The following BNC2 variants were observed in gnomAD, a reference collection of about 807,000 sequenced individuals.
The protein encoded by BNC2 is basonuclin zinc finger protein 2.
In BNC2, 20 loss-of-function variants were observed where a neutral mutation model predicts 76.3. That is an observed-to-expected ratio of 0.26 (90% CI 0.18 to 0.38). The LOEUF (loss-of-function observed/expected upper bound fraction) is 0.38. Ranked by LOEUF, BNC2 falls within the 10% of genes least tolerant of loss-of-function variation. The probability of loss-of-function intolerance (pLI) is 1.00; values close to 1 mark genes in which losing one functional copy is unlikely to be tolerated. For synonymous variants in BNC2, 582 were observed against 514.8 expected, an observed-to-expected ratio of 1.13 and a Z score of -1.77; for missense variants, 1,382 against 1,399.8, an observed-to-expected ratio of 0.99 and a Z score of 0.20.
intron 1 of BNC2, among the ~76,000 whole-genome samples, chr9:16,803,662 C>T (rs748086154): frequency 1.3e-5 from 2 of 152,218 alleles, no homozygotes; most frequent in Non-Finnish European, 2.9e-5. Flanking sequence ...GCTACTCAGC[C>T]GGTGACAGCT....
intron 3 of BNC2, among the ~76,000 whole-genome samples, chr9:16,642,022 A>G (rs1821504592): frequency 6.6e-6 from 1 of 152,208 alleles, no homozygotes. Flanking sequence ...CACCCAATGC[A>G]GCAAGTTATT....
chr9:16,459,861 T>C (rs1233927458), intron 5 of BNC2, among the ~76,000 whole-genome samples: 2 of 152,224 alleles, frequency 1.3e-5, no homozygotes, highest in Non-Finnish European at 2.9e-5. Context: ...AACCACAGAT[T>C]GCACAGACTT....
intron 3 of BNC2, among the ~76,000 whole-genome samples, chr9:16,627,814 AT>A (rs1291058603): frequency 1.3e-5 from 2 of 152,166 alleles, no homozygotes; most frequent in African/African-American, 4.8e-5. Context: ...ACTTCCCTTC[AT>A]ATTATAATTT....
chr9:16,802,188 C>T (rs549575791), intron 1 of BNC2, among the ~76,000 whole-genome samples: 1 of 152,164 alleles, frequency 6.6e-6, no homozygotes, highest in African/African-American at 2.4e-5. Flanking sequence ...ATATTAGCTG[C>T]GACTTCAGCA....
intron 3 of BNC2, among the ~76,000 whole-genome samples, chr9:16,671,525 G>C (rs1262888085): frequency 6.6e-6 from 1 of 152,082 alleles, no homozygotes; most frequent in African/African-American, 2.4e-5. Flanking sequence ...TACCACGAGG[G>C]GTTCTGTTTG....
Position 16,681,401 on chromosome 9 carries a change from T to A in BNC2, c.330+46396A>T, listed in dbSNP as rs550194573. 1.2e-3 allele frequency among the ~76,000 whole-genome samples: 182 copies of A among 152,266 alleles called. 1 individual carries two copies. Among genetic ancestry groups the A allele is most frequent in the African/African-American group, 4.3e-3 (178 of 41,560 alleles). Reference sequence around the variant, plus strand: ...GTATTGCTTGTGTGTCCCTGGCAGATGTGGAAAGGAGATGAAATGGGCAAG... The same window carrying A: ...GTATTGCTTGTGTGTCCCTGGCAGAAGTGGAAAGGAGATGAAATGGGCAAG... On this transcript the variant is annotated intron_variant, in intron 3 of 6. Transcript: ENST00000380672.
At chr9:16,569,465 C>A (rs756546960) in intron 4 of BNC2, among the ~76,000 whole-genome samples, 7 of 152,206 alleles carry the variant, frequency 4.6e-5, no homozygotes, top group African/African-American at 7.2e-5. Flanking sequence ...GAGCTCCACT[C>A]GAGACTATAC....
At chr9:16,761,964 C>G (rs1267782901) in intron 1 of BNC2, among the ~76,000 whole-genome samples, 1 of 151,918 alleles carries the variant, frequency 6.6e-6, no homozygotes, top group African/African-American at 2.4e-5. Flanking sequence ...CTCAAAGTAC[C>G]AAAAATTAAA....
At chr9:16,857,247 G>A (rs751710821) in intron 1 of BNC2, among the ~76,000 whole-genome samples, 6 of 152,002 alleles carry the variant, frequency 3.9e-5, no homozygotes, top group Non-Finnish European at 5.9e-5. Flanking sequence ...GGAGGTTGAG[G>A]TGGGCAGATC....
chr9:16,739,628 T>G (rs1824783629), intron 1 of BNC2, among the ~76,000 whole-genome samples: 1 of 152,082 alleles, frequency 6.6e-6, no homozygotes. Flanking sequence ...GCGGAGATTG[T>G]GCCATTGCAC....
chr9:16,554,889 TTGTG>T (rs1818775108), intron 4 of BNC2, among the ~76,000 whole-genome samples: 1 of 152,228 alleles, frequency 6.6e-6, no homozygotes, highest in South Asian at 2.1e-4. Flanking sequence ...ATCCTGATTT[TTGTG>T]TGTGTACTTG....
chr9:16,480,272 A>G (rs577447649), intron 5 of BNC2, among the ~76,000 whole-genome samples: 2 of 152,334 alleles, frequency 1.3e-5, no homozygotes, highest in South Asian at 4.1e-4. Flanking sequence ...TCTAGCAAAC[A>G]AAAACAACCC....
Position 16,439,522 on chromosome 9 carries a change from G to A in BNC2, c.670-1998C>T, listed in dbSNP as rs774995349. 4.6e-5 allele frequency among the ~76,000 whole-genome samples: 7 copies of A among 152,020 alleles called. 1 individual carries two copies. Among genetic ancestry groups the A allele is most frequent in the Admixed American group, 1.3e-4 (2 of 15,264 alleles). On this transcript the variant is annotated intron_variant, in intron 5 of 6. Transcript: ENST00000380672. ...AGTAGTATACCCATCTGAATTTTCC[G>A]GTTTCAGCCACTGTGCTTTATGTAG... is the stretch of plus-strand genomic sequence containing the variant.
intron 3 of BNC2, among the ~76,000 whole-genome samples, chr9:16,664,245 A>T (rs1458023788): frequency 6.6e-6 from 1 of 152,176 alleles, no homozygotes. Context: ...CAGAGTCCCA[A>T]GGTTGTCCCT....
At chr9:16,458,885 C>T in intron 5 of BNC2, among the ~76,000 whole-genome samples, 1 of 152,200 alleles carries the variant, frequency 6.6e-6, no homozygotes, top group East Asian at 1.9e-4. Context: ...CAGCTCAAGT[C>T]CAGCACGAGG....
chr9:16,524,484 C>T (rs986738219), intron 5 of BNC2, among the ~76,000 whole-genome samples: 1 of 151,336 alleles, frequency 6.6e-6, no homozygotes, highest in Non-Finnish European at 1.5e-5. Flanking sequence ...TTCCTGTTTC[C>T]ATTTCCTGTT....
At chr9:16,848,870 A>T (rs1319069834) in intron 1 of BNC2, among the ~76,000 whole-genome samples, 2 of 152,224 alleles carry the variant, frequency 1.3e-5, no homozygotes, top group Non-Finnish European at 2.9e-5. Flanking sequence ...CCACGTACAC[A>T]AACTTTAATT....
At chr9:16,638,656 A>G (rs368018006) in intron 3 of BNC2, among the ~76,000 whole-genome samples, 5 of 152,298 alleles carry the variant, frequency 3.3e-5, no homozygotes, top group African/African-American at 1.2e-4. Context: ...TTCCACTCAT[A>G]AAACTATAGT....
intron 1 of BNC2, among the ~76,000 whole-genome samples, chr9:16,760,119 C>G (rs1265623426): frequency 6.6e-6 from 1 of 152,110 alleles, no homozygotes; most frequent in East Asian, 1.9e-4. Flanking sequence ...TGGGGGAAGG[C>G]AGGACAGGAG....
Sources: gnomAD v4.1 joint callset for allele counts (sites outside exome capture counted in the v4.1 genomes callset) on GRCh38, gnomAD v4.1.1 for gene constraint, MANE v1.5 for transcripts, NCBI Gene and HGNC (gene_info 2026-07-23, HGNC 2026-07-21) for gene names.